Variants in CPT1A observed in about 807,000 individuals in gnomAD.
CPT1A encodes carnitine O-palmitoyltransferase 1, liver isoform.
CPT1A carries 64 observed loss-of-function variants against 100.8 expected under a neutral mutation model. That is an observed-to-expected ratio of 0.63 (90% CI 0.52 to 0.78). The LOEUF (loss-of-function observed/expected upper bound fraction) is 0.78. Ranked by LOEUF, CPT1A falls within the 30% of genes least tolerant of loss-of-function variation. The probability of loss-of-function intolerance (pLI) is 0.00; values close to 1 mark genes in which losing one functional copy is unlikely to be tolerated. For synonymous variants in CPT1A, 363 were observed against 396.0 expected, an observed-to-expected ratio of 0.92 and a Z score of 0.99; for missense variants, 802 against 1,034.1, an observed-to-expected ratio of 0.78 and a Z score of 3.08.
At position 68,773,286 on chromosome 11, in the gene CPT1A, G is replaced by T; in HGVS notation, c.1719C>A (p.Ala573=). The change falls in exon 14 of 19, where the codon GCC becomes GCA. Residue 573 remains alanine (A), a synonymous_variant. Coordinates refer to ENST00000265641, the MANE Select transcript of CPT1A (RefSeq NM_001876.4). The part of the protein sequence containing the change: ...RTSPDAFVQL[A]LQLAHYKDMG... ...TTACCTTGTAGTGCGCCAGCTGGAG[G>T]GCCAGCTGCACAAAGGCGTCTGGGC... 1 of 1,614,058 alleles carries T rather than the reference G, an allele frequency of 6.2e-7. No individual in the cohort carries two copies. The highest frequency in any genetic ancestry group is 8.5e-7 in the Non-Finnish European group (1 of 1,179,994).
Position 68,760,334 on chromosome 11 carries a change from A to T in CPT1A, c.2033T>A (p.Leu678Ter). ...AVESPFLKEV[L>*]SEPWRLSTSQ... ...TGTTGATAATCTCCAAGGCTCAGATAAAACCTATTGAGTGAAACAGGGAAA... is the reference window on the plus strand; with the variant it reads ...TGTTGATAATCTCCAAGGCTCAGATTAAACCTATTGAGTGAAACAGGGAAA... Residue 678 changes from leucine (L) to a stop codon, truncating the protein, a stop_gained, in exon 17 of 19, where the codon TTA becomes TAA. Transcript: ENST00000265641. LOFTEE classifies it high-confidence loss of function. The T allele has an allele frequency of 6.2e-7, 1 of 1,609,294 alleles. No homozygotes were observed. Among genetic ancestry groups the T allele is most frequent in the Non-Finnish European group, 8.5e-7 (1 of 1,177,502 alleles).
At chr11:68,819,968 C>A (rs1236880848) in intron 1 of CPT1A, among the ~76,000 whole-genome samples, 1 of 152,194 alleles carries the variant, frequency 6.6e-6, no homozygotes, top group Non-Finnish European at 1.5e-5. Context: ...CTTAAAAACA[C>A]TGATATAGCC....
At chr11:68,760,203 C>T (rs537483867) in intron 17 of CPT1A, 22 bp downstream of exon 17, 41 of 1,554,378 alleles carry the variant, frequency 2.6e-5, no homozygotes, top group Middle Eastern at 2.2e-4. Context: ...CACTGCGCCT[C>T]GCCCAGCCCC....
intron 1 of CPT1A, among the ~76,000 whole-genome samples, chr11:68,826,899 A>G (rs1856747917): frequency 6.6e-6 from 1 of 152,164 alleles, no homozygotes; most frequent in African/African-American, 2.4e-5. Flanking sequence ...CTGGAAACAG[A>G]CAGCAGCCAG....
intron 9 of CPT1A, among the ~76,000 whole-genome samples, chr11:68,789,362 A>G (rs183706032): frequency 6.0e-4 from 91 of 152,094 alleles, no homozygotes; most frequent in African/African-American, 2.1e-3. Context: ...ATGATCACCA[A>G]CGAATGGCAT....
chr11:68,797,875 G>C (rs1005977644), intron 6 of CPT1A, among the ~76,000 whole-genome samples: 3 of 152,206 alleles, frequency 2.0e-5, no homozygotes, highest in African/African-American at 7.2e-5. Context: ...CTACTCAGGA[G>C]GCTGAGGCAG....
chr11:68,841,810 A>AGCG lies in CPT1A; in HGVS notation c.-52_-50dup, dbSNP rs891856679. 5.4e-4 allele frequency: 541 copies of AGCG among 993,532 alleles called. No homozygotes were observed. Among genetic ancestry groups the AGCG allele is most frequent in the Non-Finnish European group, 5.7e-4 (481 of 836,678 alleles). The allele number at this position is 993,532 out of a possible 1,614,324, so 61.5% of individuals were successfully genotyped here. ...ACGGAGGTGCGGCAGCGGCAGCGGCAGCGGCGGCGGCGGCGGCGGCGGTGG... is the reference window on the plus strand; with the variant it reads ...ACGGAGGTGCGGCAGCGGCAGCGGCAGCGGCGGCGGCGGCGGCGGCGGCGGTGG... On this transcript the variant is annotated 5_prime_UTR_variant, in exon 1 of 19. Coordinates refer to ENST00000265641, the MANE Select transcript of CPT1A (RefSeq NM_001876.4). This position sits in a 1 kb window ranked among gnomAD's most constrained non-coding sequence, Gnocchi z 6.3.
chr11:68,760,823 G>C (rs1396485934), intron 16 of CPT1A, among the ~76,000 whole-genome samples: 6 of 152,056 alleles, frequency 3.9e-5, no homozygotes, highest in Non-Finnish European at 8.8e-5. Context: ...GACCAGCCTG[G>C]GCAACACGGT....
At chr11:68,831,316 G>A (rs572626385) in intron 1 of CPT1A, among the ~76,000 whole-genome samples, 185 of 152,266 alleles carry the variant, frequency 1.2e-3, no homozygotes, top group African/African-American at 4.3e-3. Flanking sequence ...GCAGGTGGCT[G>A]AGGAAAGCAG....
At chr11:68,758,302 G>A (rs2924700) in intron 18 of CPT1A, among the ~76,000 whole-genome samples, 107,786 of 152,050 alleles carry the variant, frequency 0.71, 38,679 homozygotes, top group East Asian at 0.86. Context: ...AAAGAAAACC[G>A]CAGTGAACAA....
At chr11:68,762,019 A>C (rs1193153502) in intron 15 of CPT1A, among the ~76,000 whole-genome samples, 1 of 152,174 alleles carries the variant, frequency 6.6e-6, no homozygotes, top group Non-Finnish European at 1.5e-5. Flanking sequence ...AGCAGAAAGC[A>C]CCTGCACGCT....
At position 68,757,594 on chromosome 11, in the gene CPT1A, T is replaced by C. The variant is rs779684589; in HGVS notation, c.*50A>G. The C allele has an allele frequency of 2.5e-6, 4 of 1,613,776 alleles. No individual in the cohort carries two copies. Among genetic ancestry groups the C allele is most frequent in the Admixed American group, 1.7e-5 (1 of 60,008 alleles). ...GTCAGGATTAATGCCTATTTTTCAT[T>C]TGGTTTGCATCAGAAGAGCTCGTTT... On this transcript the variant is annotated 3_prime_UTR_variant, in exon 19 of 19. Coordinates refer to ENST00000265641, the MANE Select transcript of CPT1A (RefSeq NM_001876.4).
intron 3 of CPT1A, among the ~76,000 whole-genome samples, chr11:68,811,949 G>C (rs1300548971): frequency 1.0e-5 from 1 of 97,106 alleles, no homozygotes; most frequent in Non-Finnish European, 1.9e-5. Context: ...TAGGAGGGAC[G>C]GGGGGGTCCC....
intron 14 of CPT1A, among the ~76,000 whole-genome samples, chr11:68,766,872 C>A (rs943043753): frequency 6.6e-6 from 1 of 151,892 alleles, no homozygotes; most frequent in African/African-American, 2.4e-5. Context: ...ACAACATCAC[C>A]TGCTAATATT....
At chr11:68,840,296 G>A (rs1857127108) in intron 1 of CPT1A, among the ~76,000 whole-genome samples, 1 of 152,172 alleles carries the variant, frequency 6.6e-6, no homozygotes, top group Non-Finnish European at 1.5e-5. Flanking sequence ...AAAGGCCCGG[G>A]GGTGGGGGTG....
intron 1 of CPT1A, among the ~76,000 whole-genome samples, chr11:68,817,201 C>T (rs1856452396): frequency 6.6e-6 from 1 of 150,816 alleles, no homozygotes; most frequent in Admixed American, 6.6e-5. Flanking sequence ...TGCGTGTTCT[C>T]ACCACAGGAT....
At chr11:68,824,447 G>A (rs943560057) in intron 1 of CPT1A, among the ~76,000 whole-genome samples, 1 of 151,810 alleles carries the variant, frequency 6.6e-6, no homozygotes, top group Non-Finnish European at 1.5e-5. Context: ...TAACAAACAG[G>A]CACGTGTACC....
chr11:68,838,813 C>T (rs566178231), intron 1 of CPT1A, among the ~76,000 whole-genome samples: 1 of 152,320 alleles, frequency 6.6e-6, no homozygotes, highest in East Asian at 1.9e-4. Context: ...AGCAATCCTC[C>T]CACCTTGGCC....
At chr11:68,785,830 C>G (rs1202662677) in intron 9 of CPT1A, 1 of 549,430 alleles carries the variant, frequency 1.8e-6, no homozygotes, top group Admixed American at 3.4e-5. Context: ...TTCTGAGAAC[C>G]CGAGAAATGT....
Sources: gnomAD v4.1 joint callset for allele counts (sites outside exome capture counted in the v4.1 genomes callset) on GRCh38, gnomAD v4.1.1 for gene constraint, Gnocchi (gnomAD v3.1) non-coding constraint, MANE v1.5 for transcripts, NCBI Gene and HGNC (gene_info 2026-07-23, HGNC 2026-07-21) for gene names.